Variants in MAP2K6 observed in about 807,000 individuals in gnomAD.
MAP2K6 encodes dual specificity mitogen-activated protein kinase kinase 6.
MAP2K6 carries 16 observed loss-of-function variants against 53.7 expected under a neutral mutation model. The ratio of observed to expected loss-of-function variants is 0.30; its 90% confidence interval spans 0.20 to 0.45. MAP2K6 has a LOEUF of 0.45. Among genes scored for constraint, MAP2K6 ranks in the 20% least tolerant of loss-of-function variants. The probability of loss-of-function intolerance (pLI) is 1.00; values close to 1 mark genes in which losing one functional copy is unlikely to be tolerated. For synonymous variants in MAP2K6, 132 were observed against 143.1 expected, an observed-to-expected ratio of 0.92 and a Z score of 0.55; for missense variants, 204 against 411.9, an observed-to-expected ratio of 0.50 and a Z score of 4.37.
intron 1 of MAP2K6, among the ~76,000 whole-genome samples, chr17:69,496,405 G>T (rs1908953256): frequency 6.6e-6 from 1 of 151,928 alleles, no homozygotes; most frequent in Admixed American, 6.6e-5. Context: ...CAGAGTAGCT[G>T]GGATTACAAG....
At chr17:69,463,684 A>G (rs1466140604) in intron 1 of MAP2K6, among the ~76,000 whole-genome samples, 3 of 151,490 alleles carry the variant, frequency 2.0e-5, no homozygotes, top group Non-Finnish European at 3.0e-5. Context: ...ATACACACAC[A>G]CACACATATA....
rs1021943989 is a variant in MAP2K6 at position 69,528,633 on chromosome 17, C to T, written c.881+1924C>T. 3.3e-5 allele frequency among the ~76,000 whole-genome samples: 5 copies of T among 151,872 alleles called. No individual in the cohort carries two copies. The East Asian group carries it at 9.7e-4, about 29-fold the overall frequency. On this transcript the variant is annotated intron_variant, in intron 10 of 11. Coordinates refer to ENST00000590474, the MANE Select transcript of MAP2K6 (RefSeq NM_002758.4). ...CAGCACTTTGGGAGGCCAAGGTGGG[C>T]GGATCACTTGAGGTCAGGAGTTCGA...
intron 5 of MAP2K6, 123 bp downstream of exon 5, chr17:69,519,555 G>A (rs1598305784): frequency 2.6e-6 from 3 of 1,151,138 alleles, no homozygotes; most frequent in Non-Finnish European, 3.7e-6. Flanking sequence ...GTATACGGGG[G>A]TTTACGTGTG....
intron 1 of MAP2K6, among the ~76,000 whole-genome samples, chr17:69,474,694 A>G (rs1292654464): frequency 1.3e-5 from 2 of 152,212 alleles, no homozygotes; most frequent in Non-Finnish European, 2.9e-5. Context: ...GATGGTGGTA[A>G]TACTTCTAGG....
chr17:69,461,824 C>T (rs548363854), intron 1 of MAP2K6, among the ~76,000 whole-genome samples: 1 of 152,214 alleles, frequency 6.6e-6, no homozygotes, highest in Non-Finnish European at 1.5e-5. Context: ...TTCAGGCCAG[C>T]AAGATTCCAT....
At chr17:69,540,633 C>T (rs1911569516) in intron 11 of MAP2K6, among the ~76,000 whole-genome samples, 1 of 152,168 alleles carries the variant, frequency 6.6e-6, no homozygotes, top group African/African-American at 2.4e-5. Context: ...ACATACCATG[C>T]TTGTTCCCCT....
intron 1 of MAP2K6, among the ~76,000 whole-genome samples, chr17:69,474,875 C>A (rs1344768414): frequency 6.6e-6 from 1 of 152,172 alleles, no homozygotes; most frequent in Non-Finnish European, 1.5e-5. Context: ...GCTCCATCCC[C>A]TTTTTTCTTT....
Position 69,469,384 on chromosome 17 carries a change from A to G in MAP2K6, c.17-36396A>G, listed in dbSNP as rs186453069. On this transcript the variant is annotated intron_variant, in intron 1 of 11. Coordinates refer to ENST00000590474, the MANE Select transcript of MAP2K6 (RefSeq NM_002758.4). ...TTGTCATGGAAGGTAACATATTCACAGAATCTGGGAAGTAGGACATGGACA... is the reference window on the plus strand; with the variant it reads ...TTGTCATGGAAGGTAACATATTCACGGAATCTGGGAAGTAGGACATGGACA... Among the ~76,000 whole-genome samples, 330 of 152,346 alleles carry G rather than the reference A, an allele frequency of 2.2e-3. 3 individuals are homozygous for G. Among genetic ancestry groups the G allele is most frequent in the African/African-American group, 7.4e-3 (307 of 41,592 alleles).
In MAP2K6 at chr17:69,543,687, C is replaced by T. The variant is rs536364695; in HGVS notation, c.*1934C>T. ...ACAGGAAGCAATAGGAAAAAAAATC[C>T]GGTTACTCCATTTTAGCTTTTGGTG... is the stretch of plus-strand genomic sequence containing the variant. On this transcript the variant is annotated 3_prime_UTR_variant, in exon 12 of 12. Transcript: ENST00000590474. The T allele has an allele frequency of 3.9e-5, 6 of 152,198 alleles. No homozygotes were observed. The highest frequency in any genetic ancestry group is 4.2e-4 in the South Asian group (2 of 4,818). 9.4% of individuals were successfully genotyped at this position (152,198 alleles called of 1,614,324 possible).
intron 1 of MAP2K6, among the ~76,000 whole-genome samples, chr17:69,426,486 A>T (rs1906280302): frequency 6.6e-6 from 1 of 152,234 alleles, no homozygotes; most frequent in South Asian, 2.1e-4. Flanking sequence ...CTCTATAAAC[A>T]TACATTTGCT....
In MAP2K6 at chr17:69,539,497, G is replaced by T. The variant is rs553285244; in HGVS notation, c.928-2179G>T. Among the ~76,000 whole-genome samples the T allele has an allele frequency of 3.9e-5, 6 of 152,200 alleles. No individual in the cohort carries two copies. The South Asian group carries it at 1.2e-3, about 32-fold the overall frequency. On this transcript the variant is annotated intron_variant, in intron 11 of 11. Coordinates refer to ENST00000590474, the MANE Select transcript of MAP2K6 (RefSeq NM_002758.4). Reference sequence around the variant, plus strand: ...ACAGCCTCAAAACCCACACAAGAAGGCAAGTCACACTTTCCATTTGTCATG... The same window carrying T: ...ACAGCCTCAAAACCCACACAAGAAGTCAAGTCACACTTTCCATTTGTCATG...
chr17:69,548,832 A>C lies in MAP2K6; in HGVS notation c.*7079A>C, dbSNP rs147848128. On this transcript the variant is annotated 3_prime_UTR_variant, in exon 12 of 12. Transcript: ENST00000590474. The stretch of plus-strand genomic sequence containing the variant: ...GATTTTTCTAATGAAGTAGTTTGAA[A>C]TCAAGGCTTTAGTGGAAGGTAATCT... 2.9e-4 allele frequency: 44 copies of C among 152,352 alleles called. 1 individual carries two copies. In the East Asian group the frequency reaches 8.1e-3, roughly 28 times the overall value. The allele number at this position is 152,352 out of a possible 1,614,324, so 9.4% of individuals were successfully genotyped here.
chr17:69,503,044 T>C (rs1289834600), intron 1 of MAP2K6, among the ~76,000 whole-genome samples: 2 of 152,206 alleles, frequency 1.3e-5, no homozygotes, highest in Non-Finnish European at 2.9e-5. Flanking sequence ...TAAGAGTAAC[T>C]TCTGCTTTTG....
intron 1 of MAP2K6, among the ~76,000 whole-genome samples, chr17:69,439,630 T>G (rs550775652): frequency 9.9e-5 from 15 of 152,222 alleles, no homozygotes; most frequent in Non-Finnish European, 1.9e-4. Flanking sequence ...GGGACTTTAC[T>G]TCTCTTGTCT....
chr17:69,443,952 A>G (rs1014990999), intron 1 of MAP2K6, among the ~76,000 whole-genome samples: 3 of 152,200 alleles, frequency 2.0e-5, no homozygotes, highest in African/African-American at 7.2e-5. Context: ...TGTTGCTACA[A>G]CTGGGATGTG....
intron 2 of MAP2K6, among the ~76,000 whole-genome samples, chr17:69,509,099 T>C (rs950541952): frequency 1.3e-5 from 2 of 152,222 alleles, no homozygotes; most frequent in African/African-American, 4.8e-5. Context: ...AAGGCCTTTC[T>C]CTTTTCATAT....
intron 1 of MAP2K6, among the ~76,000 whole-genome samples, chr17:69,431,063 G>A (rs913199592): frequency 1.3e-5 from 2 of 152,146 alleles, no homozygotes; most frequent in African/African-American, 2.4e-5. Flanking sequence ...TACTGTGTGC[G>A]AGTCTTTGTG....
chr17:69,504,186 A>T (rs996705045), intron 1 of MAP2K6, among the ~76,000 whole-genome samples: 2 of 152,120 alleles, frequency 1.3e-5, no homozygotes, highest in African/African-American at 4.8e-5. Flanking sequence ...CAGCTTCAGG[A>T]TCTATCCAGG....
chr17:69,530,035 G>A (rs1432348578), intron 10 of MAP2K6, among the ~76,000 whole-genome samples: 1 of 152,114 alleles, frequency 6.6e-6, no homozygotes, highest in African/African-American at 2.4e-5. Context: ...ACATGTCTCA[G>A]CTTTCCTGAA....
Sources: allele counts gnomAD v4.1 joint callset (sites outside exome capture counted in the v4.1 genomes callset), GRCh38; gene constraint gnomAD v4.1.1; transcripts MANE v1.5; gene names NCBI Gene and HGNC (gene_info 2026-07-23, HGNC 2026-07-21).